The following PRKCH variants were observed in gnomAD, a reference collection of about 807,000 sequenced individuals.
PRKCH encodes protein kinase C eta type.
PRKCH carries 28 observed loss-of-function variants against 82.5 expected under a neutral mutation model. The observed-to-expected ratio is 0.34, with a 90% CI of 0.25 to 0.47. PRKCH has a LOEUF of 0.47. PRKCH is among the 20% of genes least tolerant of loss of function. PRKCH has a pLI of 1.00. For synonymous variants in PRKCH, 322 were observed against 327.4 expected (o/e 0.98, Z 0.18); for missense variants, 705 against 881.8 (o/e 0.80, Z 2.54).
At chr14:61,378,224 C>CTT (rs552301917) in intron 1 of PRKCH, among the ~76,000 whole-genome samples, 48 of 139,474 alleles carry the variant, frequency 3.4e-4, no homozygotes, top group African/African-American at 1.2e-3. Context: ...TTTTCTTTTT[C>CTT]TTTTTTTTTT....
At chr14:61,493,927 A>G (rs926536227) in intron 10 of PRKCH, among the ~76,000 whole-genome samples, 1 of 152,028 alleles carries the variant, frequency 6.6e-6, no homozygotes, top group Non-Finnish European at 1.5e-5. Flanking sequence ...GATTCAGGGT[A>G]AAAAAGAAAC....
chr14:61,239,964 TG>T (rs1361976962), intron 1 of PRKCH, among the ~76,000 whole-genome samples: 1 of 152,222 alleles, frequency 6.6e-6, no homozygotes, highest in East Asian at 1.9e-4. Context: ...ACTTTTTTGT[TG>T]TTTATTATAA....
chr14:61,457,697 T>C lies in PRKCH; in HGVS notation c.1278+18T>C. 6.2e-7 allele frequency: 1 copy of C among 1,612,116 alleles called. No individual in the cohort carries two copies. The highest frequency in any genetic ancestry group is 8.5e-7 in the Non-Finnish European group (1 of 1,178,488). On this transcript the variant is annotated intron_variant, in intron 9 of 13. Coordinates refer to ENST00000332981, the MANE Select transcript of PRKCH (RefSeq NM_006255.5). The stretch of plus-strand genomic sequence containing the variant: ...AGACCCCCGTAAGTATGAATCACAT[T>C]CACTGCACCAACAGCCTCTTTTCTT...
intron 1 of PRKCH, among the ~76,000 whole-genome samples, chr14:61,221,787 G>A (rs2044657906): frequency 6.6e-6 from 1 of 152,060 alleles, no homozygotes; most frequent in Admixed American, 6.5e-5. Flanking sequence ...TCAGCCTCTG[G>A]AGCATCTTCC....
intron 1 of PRKCH, among the ~76,000 whole-genome samples, chr14:61,332,550 T>C (rs573005597): frequency 2.0e-5 from 3 of 152,312 alleles, no homozygotes; most frequent in Admixed American, 2.0e-4. Context: ...GATAAATGCT[T>C]AAAAGTTACC....
At chr14:61,375,282 G>T (rs751003191) in intron 1 of PRKCH, among the ~76,000 whole-genome samples, 1 of 152,002 alleles carries the variant, frequency 6.6e-6, no homozygotes, top group Non-Finnish European at 1.5e-5. Context: ...CAGCATTTTG[G>T]TCTCAACCAT....
chr14:61,195,014 G>A (rs562640936), intron 1 of PRKCH, among the ~76,000 whole-genome samples: 5 of 152,306 alleles, frequency 3.3e-5, no homozygotes, highest in South Asian at 2.1e-4. Context: ...GATTACAGGC[G>A]TGAGCCACTG....
At chr14:61,429,474 T>A (rs943625340) in intron 2 of PRKCH, among the ~76,000 whole-genome samples, 1 of 152,238 alleles carries the variant, frequency 6.6e-6, no homozygotes, top group Non-Finnish European at 1.5e-5. Context: ...GGAATTTCTT[T>A]TAAAAATCAG....
intron 10 of PRKCH, among the ~76,000 whole-genome samples, chr14:61,496,646 C>G (rs1235274651): frequency 1.3e-5 from 2 of 152,180 alleles, no homozygotes; most frequent in Non-Finnish European, 2.9e-5. Flanking sequence ...AGGCTGTGCC[C>G]CTGTGCATAT....
chr14:61,238,560 ATTTACAT>A (rs1168205987), intron 1 of PRKCH, among the ~76,000 whole-genome samples: 1 of 152,138 alleles, frequency 6.6e-6, no homozygotes, highest in East Asian at 1.9e-4. Context: ...GACCCCACAC[ATTTACAT>A]TTTATTCACC....
At chr14:61,240,205 C>A (rs2044825098) in intron 1 of PRKCH, among the ~76,000 whole-genome samples, 1 of 151,970 alleles carries the variant, frequency 6.6e-6, no homozygotes, top group Non-Finnish European at 1.5e-5. Context: ...GTTTAATAGG[C>A]AAGAAAGAAG....
chr14:61,236,664 G>A (rs1440255539), intron 1 of PRKCH, among the ~76,000 whole-genome samples: 2 of 132,236 alleles, frequency 1.5e-5, no homozygotes, highest in Non-Finnish European at 3.1e-5. Flanking sequence ...CTGAGATCAC[G>A]CCACTGCACT....
At chr14:61,264,450 G>A (rs2045078458) in intron 1 of PRKCH, among the ~76,000 whole-genome samples, 1 of 152,176 alleles carries the variant, frequency 6.6e-6, no homozygotes, top group African/African-American at 2.4e-5. Context: ...AAGAAAGCCT[G>A]ATTTGGCCAC....
intron 1 of PRKCH, among the ~76,000 whole-genome samples, chr14:61,232,102 T>C (rs2044749605): frequency 6.6e-6 from 1 of 152,266 alleles, no homozygotes; most frequent in Non-Finnish European, 1.5e-5. Flanking sequence ...GTTTCGCTTT[T>C]GCTTCTGACC....
chr14:61,409,945 G>T (rs1882182176), intron 2 of PRKCH, among the ~76,000 whole-genome samples: 1 of 152,164 alleles, frequency 6.6e-6, no homozygotes, highest in Non-Finnish European at 1.5e-5. Flanking sequence ...CTGATGACCT[G>T]ATCAAATGTT....
chr14:61,385,436 G>C (rs1357256268), intron 1 of PRKCH, among the ~76,000 whole-genome samples: 1 of 152,182 alleles, frequency 6.6e-6, no homozygotes, highest in Non-Finnish European at 1.5e-5. Context: ...CACAGGATGT[G>C]GGAAGCAAAG....
chr14:61,325,275 A>T (rs1431080570), intron 1 of PRKCH, among the ~76,000 whole-genome samples: 1 of 152,238 alleles, frequency 6.6e-6, no homozygotes, highest in Non-Finnish European at 1.5e-5. Context: ...AGTCATACAG[A>T]TCAGTGGAAT....
chr14:61,546,074 G>A (rs191634065), intron 12 of PRKCH, among the ~76,000 whole-genome samples: 1 of 152,328 alleles, frequency 6.6e-6, no homozygotes, highest in East Asian at 1.9e-4. Flanking sequence ...AATAGCAACT[G>A]CTCTTCCATC....
In PRKCH at chr14:61,489,175, G is replaced by A. The variant is rs573363562; in HGVS notation, c.1433+3519G>A. On this transcript the variant is annotated intron_variant, in intron 10 of 13. Transcript: ENST00000332981. ...CCAGTGAGAAACTTGGGAGTATCAG[G>A]CAGCCTCTTTTATCATACATGTCCC... Among the ~76,000 whole-genome samples the A allele has an allele frequency of 1.2e-4, 18 of 152,278 alleles. No individual in the cohort carries two copies. In the East Asian group the frequency reaches 3.3e-3, roughly 28 times the overall value.
Sources: gnomAD v4.1 joint callset for allele counts (sites outside exome capture counted in the v4.1 genomes callset) on GRCh38, gnomAD v4.1.1 for gene constraint, MANE v1.5 for transcripts, NCBI Gene and HGNC (gene_info 2026-07-23, HGNC 2026-07-21) for gene names.